The following DGKH variants were observed in gnomAD, a reference collection of about 807,000 sequenced individuals.
DGKH encodes the protein DAG kinase eta.
Under a neutral mutation model 159.3 loss-of-function variants are expected in DGKH, and 90 were observed. That is an observed-to-expected ratio of 0.57 (90% CI 0.48 to 0.67). The LOEUF is 0.67. Ranked by LOEUF, DGKH falls within the 30% of genes least tolerant of loss-of-function variation. DGKH has a pLI of 0.00. For missense variants in DGKH, 1,181 were observed against 1,506.1 expected (o/e 0.78, Z 3.57); for synonymous variants, 536 against 553.8 (o/e 0.97, Z 0.45).
chr13:42,123,944 T>G (rs919256234), intron 1 of DGKH, among the ~76,000 whole-genome samples: 5 of 152,218 alleles, frequency 3.3e-5, no homozygotes, highest in African/African-American at 7.2e-5. Flanking sequence ...ATATGTTCAG[T>G]ATCTTGACTA....
intron 24 of DGKH, 142 bp from the exon 25 acceptor site, chr13:42,214,365 A>T: frequency 1.6e-6 from 1 of 610,320 alleles, no homozygotes. Flanking sequence ...TGCCATTCAT[A>T]ATTGAGCAGC....
chr13:42,097,893 A>G (rs1954574622), intron 1 of DGKH, among the ~76,000 whole-genome samples: 1 of 152,162 alleles, frequency 6.6e-6, no homozygotes, highest in Non-Finnish European at 1.5e-5. Flanking sequence ...GGTACATGGT[A>G]CTGCCAGTTT....
intron 11 of DGKH, among the ~76,000 whole-genome samples, chr13:42,169,035 T>A (rs1956377203): frequency 6.6e-6 from 1 of 152,220 alleles, no homozygotes; most frequent in African/African-American, 2.4e-5. Context: ...AGTGAATGAA[T>A]GAATTATAAA....
chr13:42,049,806 A>G (rs1225198764), intron 1 of DGKH, among the ~76,000 whole-genome samples: 1 of 152,212 alleles, frequency 6.6e-6, no homozygotes, highest in Non-Finnish European at 1.5e-5. Flanking sequence ...GTTAATTTTT[A>G]ATTTGATCAT....
intron 20 of DGKH, among the ~76,000 whole-genome samples, chr13:42,201,670 T>G (rs1957349484): frequency 6.6e-6 from 1 of 152,154 alleles, no homozygotes. Flanking sequence ...AAAGACCCCT[T>G]CTCAGAATAT....
chr13:42,208,931 T>A (rs767250311), intron 21 of DGKH, 28 bp from the exon 22 acceptor site: 1 of 1,540,388 alleles, frequency 6.5e-7, no homozygotes, highest in Non-Finnish European at 8.9e-7. Flanking sequence ...AAACATTCAG[T>A]AGAAGTGTAA....
chr13:42,166,656 A>C lies in DGKH; in HGVS notation c.1100A>C (p.Asn367Thr). 1 of 1,598,628 alleles carries C rather than the reference A, an allele frequency of 6.3e-7. No individual in the cohort carries two copies. The highest frequency in any genetic ancestry group is 1.1e-5 in the South Asian group (1 of 87,602). ...LNPAQVFDLM[N>T]GGPHLGLRLF... The stretch of plus-strand genomic sequence containing the variant: ...CCGGCTCAGGTGTTTGATTTAATGA[A>C]TGGAGGTCCTCATTTAGGGTAACTG... The change falls in exon 9 of 30, where the codon AAT becomes ACT. Residue 367 changes from asparagine (N) to threonine (T), a missense_variant. Transcript: ENST00000337343.
At chr13:42,185,671 T>A (rs1956900930) in intron 13 of DGKH, among the ~76,000 whole-genome samples, 1 of 152,186 alleles carries the variant, frequency 6.6e-6, no homozygotes, top group Admixed American at 6.5e-5. Flanking sequence ...ACAGAAACTT[T>A]CAGTAAAATG....
At chr13:42,155,842 TA>T in intron 5 of DGKH, 43 bp downstream of exon 5, 1 of 1,608,444 alleles carries the variant, frequency 6.2e-7, no homozygotes, top group Non-Finnish European at 8.5e-7. Context: ...ACAGTAACCA[TA>T]CTGTAGACAT....
intron 3 of DGKH, among the ~76,000 whole-genome samples, chr13:42,153,148 C>T (rs927482840): frequency 6.6e-6 from 1 of 152,106 alleles, no homozygotes; most frequent in Non-Finnish European, 1.5e-5. Context: ...GGAGAAATTG[C>T]AAATGTATAC....
chr13:42,132,985 G>A (rs1019670750), intron 3 of DGKH, among the ~76,000 whole-genome samples: 7 of 151,858 alleles, frequency 4.6e-5, no homozygotes, highest in African/African-American at 1.7e-4. Context: ...TGGCTAACAC[G>A]GTGAAACCCC....
In DGKH at chr13:42,230,166, T is replaced by A. The variant is rs1435114545; in HGVS notation, c.*978T>A. ...ATTTTTAATTTCAATTTAATAATTATTTAATATTCTATTTGAATTTATAAT... is the reference window on the plus strand; with the variant it reads ...ATTTTTAATTTCAATTTAATAATTAATTAATATTCTATTTGAATTTATAAT... On this transcript the variant is annotated 3_prime_UTR_variant, in exon 30 of 30. Transcript: ENST00000337343. 6.7e-6 allele frequency: 1 copy of A among 149,726 alleles called. No individual in the cohort carries two copies. The highest frequency in any genetic ancestry group is 1.5e-5 in the Non-Finnish European group (1 of 66,830). The allele number at this position is 149,726 out of a possible 1,614,324, so 9.3% of individuals were successfully genotyped here.
intron 3 of DGKH, among the ~76,000 whole-genome samples, chr13:42,145,005 G>C (rs187001401): frequency 6.6e-6 from 1 of 152,128 alleles, no homozygotes; most frequent in South Asian, 2.1e-4. Flanking sequence ...TGATTCTTGC[G>C]GTCACTAGGT....
intron 7 of DGKH, among the ~76,000 whole-genome samples, chr13:42,164,043 G>A (rs546321699): frequency 5.3e-5 from 8 of 152,092 alleles, no homozygotes; most frequent in African/African-American, 1.7e-4. Flanking sequence ...TTTTGTATAA[G>A]GTGTAAGGAA....
chr13:42,252,722 C>T (rs898945375), intron 30 of DGKH, among the ~76,000 whole-genome samples: 2 of 151,922 alleles, frequency 1.3e-5, no homozygotes, highest in African/African-American at 2.4e-5. Flanking sequence ...GCAACTGAGT[C>T]GGTTGGGGAA....
In DGKH at chr13:42,069,338, T is replaced by C. The variant is rs191237160; in HGVS notation, c.192+20373T>C. 7.3e-5 allele frequency: 96 copies of C among 1,322,704 alleles called. No homozygotes were observed. The East Asian group carries it at 1.9e-3, about 27-fold the overall frequency. 81.9% of individuals were successfully genotyped at this position (1,322,704 alleles called of 1,614,324 possible). A position where few individuals can be genotyped will look rare whatever the true frequency, so the allele number is the denominator to read the frequency against. ...CCCAAGAAGATGGGTACAAAGTTTC[T>C]AATTGAGCCAGATTTGCCATTCCTT... On this transcript the variant is annotated intron_variant, in intron 1 of 29. Transcript: ENST00000337343.
chr13:42,152,802 G>A (rs1955942978), intron 3 of DGKH, among the ~76,000 whole-genome samples: 2 of 151,892 alleles, frequency 1.3e-5, no homozygotes, highest in Admixed American at 6.6e-5. Context: ...TCCTCCGCGG[G>A]ACCTGTGACA....
At chr13:42,064,364 G>C (rs1276717168) in intron 1 of DGKH, among the ~76,000 whole-genome samples, 1 of 152,172 alleles carries the variant, frequency 6.6e-6, no homozygotes, top group African/African-American at 2.4e-5. Flanking sequence ...GGGCACACCT[G>C]AGCCGGGTGA....
upstream of DGKH, chr13:42,043,842 C>T (rs1039336784): frequency 2.0e-5 from 3 of 151,592 alleles, no homozygotes; most frequent in Non-Finnish European, 4.4e-5. Context: ...ATTTACTCTC[C>T]TCATTGTTTG....
Sources: gnomAD v4.1 joint callset for allele counts (sites outside exome capture counted in the v4.1 genomes callset) on GRCh38, gnomAD v4.1.1 for gene constraint, MANE v1.5 for transcripts, NCBI Gene and HGNC (gene_info 2026-07-23, HGNC 2026-07-21) for gene names.